The following TIA1 variants were observed in gnomAD, a reference collection of about 807,000 sequenced individuals.
The protein encoded by TIA1 is cytotoxic granule associated RNA binding protein TIA1.
Under a neutral mutation model 65.9 loss-of-function variants are expected in TIA1, and 23 were observed. The observed-to-expected ratio is 0.35, with a 90% CI of 0.25 to 0.49. The LOEUF is 0.49. Ranked by LOEUF, TIA1 falls within the 20% of genes least tolerant of loss-of-function variation. The pLI is 0.98. For synonymous variants in TIA1, 147 were observed against 149.4 expected, an observed-to-expected ratio of 0.98 and a Z score of 0.12; for missense variants, 371 against 477.9, an observed-to-expected ratio of 0.78 and a Z score of 2.09.
At chr2:70,244,617 C>T (rs1435671055) in intron 1 of TIA1, among the ~76,000 whole-genome samples, 3 of 151,692 alleles carry the variant, frequency 2.0e-5, no homozygotes, top group South Asian at 2.1e-4. Flanking sequence ...AGGCGGATCG[C>T]GAGGTCAGGA....
intron 11 of TIA1, among the ~76,000 whole-genome samples, chr2:70,214,928 C>T (rs1677952280): frequency 6.6e-6 from 1 of 152,122 alleles, no homozygotes; most frequent in Admixed American, 6.6e-5. Flanking sequence ...ACAGTTTCCT[C>T]ATAGAAATCT....
Position 70,230,087 on chromosome 2 carries a change from C to G in TIA1, c.222+669G>C, listed in dbSNP as rs921094747. Among the ~76,000 whole-genome samples, 7 of 151,432 alleles carry G rather than the reference C, an allele frequency of 4.6e-5. 1 individual carries two copies. On this transcript the variant is annotated intron_variant, in intron 3 of 12. Transcript: ENST00000433529. ...TGAAACCCTGTTTCTACTAAAAATA[C>G]AAAAAATTAGTCAGGCGTGGTGGCG...
rs1558756592 is a variant in TIA1, at chr2:70,215,413, A to G, written c.846T>C (p.Tyr282=). Residue 282 remains tyrosine (Y), a synonymous_variant, in exon 11 of 13, where the codon TAT becomes TAC. Coordinates refer to ENST00000433529, the MANE Select transcript of TIA1 (RefSeq NM_022173.4). ...TCATATCAAGAGTTTCTTTGCCCCA[A>G]TAGCATTTCACAACATGACCTTCAA... ...TTIEGHVVKC[Y]WGKETLDMIN... is the part of the protein sequence containing the mutation. The G allele has an allele frequency of 3.7e-6, 6 of 1,614,108 alleles. No individual in the cohort carries two copies. The highest frequency in any genetic ancestry group is 2.2e-5 in the East Asian group (1 of 44,862).
At chr2:70,243,634 C>CTG (rs1161707890) in intron 1 of TIA1, among the ~76,000 whole-genome samples, 2 of 152,152 alleles carry the variant, frequency 1.3e-5, no homozygotes, top group Admixed American at 1.3e-4. Flanking sequence ...AATACTATGC[C>CTG]TGTAGACATC....
At position 70,227,685 on chromosome 2, in the gene TIA1, CAT is replaced by C. The variant is rs762672466; in HGVS notation, c.398+48_398+49del. On this transcript the variant is annotated intron_variant, in intron 6 of 12. Transcript: ENST00000433529. ...CAGAATTATTTTCAAGTTATGTCTACATATAATTGTTTCTAATTAAAAGGATT... is the reference window on the plus strand; with the variant it reads ...CAGAATTATTTTCAAGTTATGTCTACATAATTGTTTCTAATTAAAAGGATT... 4 of 1,213,464 alleles carry C rather than the reference CAT, an allele frequency of 3.3e-6. No homozygotes were observed. The Admixed American group carries it at 8.1e-5, about 24-fold the overall frequency. 75.2% of individuals were successfully genotyped at this position (1,213,464 alleles called of 1,614,324 possible).
intron 12 of TIA1, among the ~76,000 whole-genome samples, chr2:70,213,197 T>C (rs1014979051): frequency 4.6e-5 from 7 of 152,234 alleles, no homozygotes; most frequent in Admixed American, 2.0e-4. Flanking sequence ...TTGAACATAT[T>C]TGCTGAGGAA....
chr2:70,236,820 C>G (rs1391084382), intron 1 of TIA1, among the ~76,000 whole-genome samples: 6 of 151,930 alleles, frequency 3.9e-5, no homozygotes, highest in Non-Finnish European at 8.8e-5. Context: ...GTAGAGAAGG[C>G]GTTTCACCAT....
intron 7 of TIA1, among the ~76,000 whole-genome samples, chr2:70,223,785 G>C (rs1188820056): frequency 1.3e-5 from 2 of 151,784 alleles, no homozygotes; most frequent in Non-Finnish European, 2.9e-5. Context: ...ATTTTGTAGA[G>C]ATAGGGTCCC....
intron 1 of TIA1, 134 bp downstream of exon 1, chr2:70,248,271 G>C: frequency 1.0e-6 from 1 of 985,182 alleles, no homozygotes; most frequent in Admixed American, 2.7e-5. Context: ...AAGCATCCAG[G>C]TGCATGCTAA....
chr2:70,242,919 C>T (rs1027618291), intron 1 of TIA1, among the ~76,000 whole-genome samples: 5 of 152,240 alleles, frequency 3.3e-5, no homozygotes, highest in Admixed American at 1.3e-4. Context: ...AAACTGGTCT[C>T]GGTGCCAAAA....
chr2:70,231,145 T>A (rs1686091297), intron 2 of TIA1, among the ~76,000 whole-genome samples: 1 of 150,936 alleles, frequency 6.6e-6, no homozygotes, highest in African/African-American at 2.4e-5. Flanking sequence ...TAAAAAAAAA[T>A]ACAAAAATTA....
chr2:70,242,793 C>A (rs567165445), intron 1 of TIA1, among the ~76,000 whole-genome samples: 1 of 152,162 alleles, frequency 6.6e-6, no homozygotes, highest in South Asian at 2.1e-4. Flanking sequence ...GTGAACTGGG[C>A]ATGCAAGGGA....
At chr2:70,228,913 G>T in intron 5 of TIA1, 146 bp downstream of exon 5, 1 of 1,479,074 alleles carries the variant, frequency 6.8e-7, no homozygotes, top group Non-Finnish European at 9.0e-7. Flanking sequence ...TCAACACTGA[G>T]AAGGGAGAAA....
intron 2 of TIA1, among the ~76,000 whole-genome samples, chr2:70,232,095 A>G (rs2441355): frequency 0.55 from 82,651 of 150,632 alleles, 25,552 homozygotes; most frequent in African/African-American, 0.84. Context: ...CCAGCTACTC[A>G]GGAGGCTAAG....
rs145675068 is a variant in TIA1 at position 70,222,398 on chromosome 2, C to T, written c.474+2156G>A. Among the ~76,000 whole-genome samples the T allele has an allele frequency of 3.6e-3, 550 of 152,202 alleles. 3 individuals carry two copies. Among genetic ancestry groups the T allele is most frequent in the African/African-American group, 0.012 (517 of 41,528 alleles). On this transcript the variant is annotated intron_variant, in intron 7 of 12. Transcript: ENST00000433529. ...ACCATTAAATTAGAAGCAAAACCAC[C>T]TGAACTCAGTTTTTTTCCAGGAACA...
At chr2:70,215,085 T>C (rs916969024) in intron 11 of TIA1, 13 of 323,372 alleles carry the variant, frequency 4.0e-5, no homozygotes, top group African/African-American at 2.9e-4. Context: ...CCAAATGGTA[T>C]GTGAATAAAT....
rs1693597435 is a variant in TIA1, at chr2:70,244,871, C to T, written c.26+3534G>A. Among the ~76,000 whole-genome samples the T allele has an allele frequency of 2.7e-5, 4 of 145,600 alleles. No individual in the cohort carries two copies. The South Asian group carries it at 8.7e-4, about 32-fold the overall frequency. On this transcript the variant is annotated intron_variant, in intron 1 of 12. Coordinates refer to ENST00000433529, the MANE Select transcript of TIA1 (RefSeq NM_022173.4). Reference sequence around the variant, plus strand: ...AAAAAAAAAAAAGATAGGTCTGATTCTCAATACAAGAGATTTTATTTCATA... The same window carrying T: ...AAAAAAAAAAAAGATAGGTCTGATTTTCAATACAAGAGATTTTATTTCATA...
chr2:70,232,540 CAAAAAAAAAAAAAAAAAAAAAA>C (rs70956955), intron 2 of TIA1, among the ~76,000 whole-genome samples: 1 of 40,266 alleles, frequency 2.5e-5, no homozygotes, highest in African/African-American at 1.0e-4. Context: ...AACTCTGTCT[CAAAAAAAAAAAAAAAAAAAAAA>C]AAAAAAAAAA....
At chr2:70,227,619 C>T in intron 6 of TIA1, 116 bp downstream of exon 6, 1 of 632,482 alleles carries the variant, frequency 1.6e-6, no homozygotes. Flanking sequence ...CAATGTAATA[C>T]ATTATATTCA....
Sources: allele counts gnomAD v4.1 joint callset (sites outside exome capture counted in the v4.1 genomes callset), GRCh38; gene constraint gnomAD v4.1.1; transcripts MANE v1.5; gene names NCBI Gene and HGNC (gene_info 2026-07-23, HGNC 2026-07-21).